CACNA2D3: variants seen among roughly 807,000 people sequenced by gnomAD.
CACNA2D3 encodes the protein voltage-dependent calcium channel subunit alpha-2/delta-3.
In CACNA2D3, 60 loss-of-function variants were observed where a neutral mutation model predicts 160.6. The observed-to-expected ratio is 0.37, with a 90% CI of 0.30 to 0.46. The LOEUF is 0.46. Ranked by LOEUF, CACNA2D3 falls within the 20% of genes least tolerant of loss-of-function variation. The pLI is 1.00. For synonymous variants in CACNA2D3, 558 were observed against 492.9 expected, an observed-to-expected ratio of 1.13 and a Z score of -1.75; for missense variants, 1,205 against 1,365.0, an observed-to-expected ratio of 0.88 and a Z score of 1.85.
intron 18 of CACNA2D3, among the ~76,000 whole-genome samples, chr3:54,872,764 A>C (rs1699566726): frequency 6.6e-6 from 1 of 152,216 alleles, no homozygotes; most frequent in African/African-American, 2.4e-5. Flanking sequence ...CTTAAACCCA[A>C]GTTTAGACAA....
intron 9 of CACNA2D3, among the ~76,000 whole-genome samples, chr3:54,586,116 T>G (rs1702756039): frequency 6.6e-6 from 1 of 151,948 alleles, no homozygotes; most frequent in African/African-American, 2.4e-5. Flanking sequence ...TACAAAAAAT[T>G]AGCTGGGCGT....
At chr3:54,961,289 C>T (rs529065923) in intron 27 of CACNA2D3, among the ~76,000 whole-genome samples, 1 of 152,256 alleles carries the variant, frequency 6.6e-6, no homozygotes, top group South Asian at 2.1e-4. Context: ...ACCCAGTGCC[C>T]TGATTAAGAA....
intron 11 of CACNA2D3, among the ~76,000 whole-genome samples, chr3:54,663,816 G>A (rs1325842209): frequency 6.6e-6 from 1 of 152,138 alleles, no homozygotes; most frequent in Admixed American, 6.5e-5. Flanking sequence ...TGAGAGAGGG[G>A]GTCATCTGCA....
chr3:54,123,999 T>A (rs955422541), intron 2 of CACNA2D3, among the ~76,000 whole-genome samples: 1 of 152,068 alleles, frequency 6.6e-6, no homozygotes, highest in African/African-American at 2.4e-5. Flanking sequence ...AGGCGTGGGG[T>A]TCAGTGTATC....
intron 35 of CACNA2D3, among the ~76,000 whole-genome samples, chr3:55,068,858 T>C (rs1315631479): frequency 6.6e-6 from 1 of 152,202 alleles, no homozygotes; most frequent in African/African-American, 2.4e-5. Context: ...AACATGAGTT[T>C]ACTTTACTGA....
rs143089056 is a variant in CACNA2D3, at chr3:54,802,293, G to C, written c.1381-14560G>C. On this transcript the variant is annotated intron_variant, in intron 13 of 37. Transcript: ENST00000474759. ...AGACTGGCACTCATGGGAAAGCTGGGGTAGGGAGGGGAGAAGATTCCAAGG... is the reference window on the plus strand; with the variant it reads ...AGACTGGCACTCATGGGAAAGCTGGCGTAGGGAGGGGAGAAGATTCCAAGG... Among the ~76,000 whole-genome samples the C allele has an allele frequency of 2.3e-3, 357 of 152,218 alleles. 1 individual carries two copies. Among genetic ancestry groups the C allele is most frequent in the African/African-American group, 8.2e-3 (340 of 41,536 alleles).
rs111854887 is a variant in CACNA2D3 at position 54,645,392 on chromosome 3, A to C, written c.1167+3151A>C. ...AGCCAAACCATATCGTTATTCTATA[A>C]AATTTTAGAGTTGTAGTTTCTCTCA... On this transcript the variant is annotated intron_variant, in intron 11 of 37. Coordinates refer to ENST00000474759, the MANE Select transcript of CACNA2D3 (RefSeq NM_018398.3). 2.9e-3 allele frequency among the ~76,000 whole-genome samples: 447 copies of C among 152,314 alleles called. 3 individuals are homozygous for C. Among genetic ancestry groups the C allele is most frequent in the Non-Finnish European group, 4.1e-3 (278 of 68,024 alleles).
chr3:54,337,694 G>A (rs1025858542), intron 3 of CACNA2D3, among the ~76,000 whole-genome samples: 9 of 151,800 alleles, frequency 5.9e-5, no homozygotes, highest in African/African-American at 2.2e-4. Context: ...CTTTCTTTCC[G>A]CCATTCCCTC....
At chr3:54,825,448 T>C (rs1309758336) in intron 14 of CACNA2D3, among the ~76,000 whole-genome samples, 1 of 152,234 alleles carries the variant, frequency 6.6e-6, no homozygotes, top group Non-Finnish European at 1.5e-5. Context: ...GTCATTTTTA[T>C]TGACACAAAG....
intron 11 of CACNA2D3, among the ~76,000 whole-genome samples, chr3:54,681,447 T>C (rs1341043418): frequency 6.9e-6 from 1 of 144,532 alleles, no homozygotes; most frequent in Non-Finnish European, 1.5e-5. Context: ...TCCCAGCTAC[T>C]TGGGAGGCTG....
At chr3:54,553,032 G>A (rs1211892015) in intron 5 of CACNA2D3, among the ~76,000 whole-genome samples, 2 of 152,130 alleles carry the variant, frequency 1.3e-5, no homozygotes, top group Non-Finnish European at 2.9e-5. Flanking sequence ...TTGCTTCCCA[G>A]CTCCATCCGG....
chr3:54,900,013 G>T (rs1700290084), intron 27 of CACNA2D3, 145 bp downstream of exon 27: 1 of 636,016 alleles, frequency 1.6e-6, no homozygotes, highest in South Asian at 1.9e-5. Context: ...TCTCAGCTTG[G>T]TGTCATCTCC....
chr3:54,205,899 C>T (rs965112901), intron 2 of CACNA2D3, among the ~76,000 whole-genome samples: 1 of 152,144 alleles, frequency 6.6e-6, no homozygotes, highest in Non-Finnish European at 1.5e-5. Flanking sequence ...TTCAGATAAA[C>T]AGTGAATATT....
rs1700261565 is a variant in CACNA2D3 at position 54,448,884 on chromosome 3, C to T, written c.382-54608C>T. On this transcript the variant is annotated intron_variant, in intron 4 of 37. Coordinates refer to ENST00000474759, the MANE Select transcript of CACNA2D3 (RefSeq NM_018398.3). Reference sequence around the variant, plus strand: ...GCAGGAGAGCCATAAATCGTTTGTGCAGAGATAGGTTCATCTTCTGTTATT... The same window carrying T: ...GCAGGAGAGCCATAAATCGTTTGTGTAGAGATAGGTTCATCTTCTGTTATT... 2.0e-5 allele frequency among the ~76,000 whole-genome samples: 3 copies of T among 152,190 alleles called. No individual in the cohort carries two copies. In the South Asian group the frequency reaches 6.2e-4, roughly 31 times the overall value.
chr3:55,061,364 C>G (rs1704501296), intron 35 of CACNA2D3, among the ~76,000 whole-genome samples: 1 of 152,216 alleles, frequency 6.6e-6, no homozygotes, highest in South Asian at 2.1e-4. Context: ...CCAGGGTAAA[C>G]CGGGTGTGAG....
chr3:54,122,643 C>T lies in CACNA2D3; in HGVS notation c.-71C>T. 1.0e-6 allele frequency: 1 copy of T among 977,780 alleles called. No individual in the cohort carries two copies. The highest frequency in any genetic ancestry group is 1.2e-6 in the Non-Finnish European group (1 of 823,948). 60.6% of individuals were successfully genotyped at this position (977,780 alleles called of 1,614,324 possible). On this transcript the variant is annotated 5_prime_UTR_variant, in exon 1 of 38. Coordinates refer to ENST00000474759, the MANE Select transcript of CACNA2D3 (RefSeq NM_018398.3). Reference sequence around the variant, plus strand: ...CAGGCAGCCCCGCGCGCTCGCCCACCGCCCGCTCCGCGCAGCTCCCCGCGG... The same window carrying T: ...CAGGCAGCCCCGCGCGCTCGCCCACTGCCCGCTCCGCGCAGCTCCCCGCGG...
chr3:54,745,980 A>G lies in CACNA2D3; in HGVS notation c.1168-6619A>G, dbSNP rs575935693. On this transcript the variant is annotated intron_variant, in intron 11 of 37. Coordinates refer to ENST00000474759, the MANE Select transcript of CACNA2D3 (RefSeq NM_018398.3). The stretch of plus-strand genomic sequence containing the variant: ...TTACTTTTGTAATTTAATTCAATTT[A>G]TCCCATTTTATTGCTGTTCAGGGTA... Among the ~76,000 whole-genome samples, 33 of 152,310 alleles carry G rather than the reference A, an allele frequency of 2.2e-4. No individual in the cohort carries two copies. In the South Asian group the frequency reaches 6.8e-3, roughly 32 times the overall value.
intron 4 of CACNA2D3, among the ~76,000 whole-genome samples, chr3:54,444,413 T>C (rs1010680194): frequency 2.6e-5 from 4 of 152,236 alleles, no homozygotes. Flanking sequence ...AAACATTCCC[T>C]GTTAGTTTAA....
At chr3:54,358,607 TA>T (rs1267495258) in intron 3 of CACNA2D3, among the ~76,000 whole-genome samples, 1 of 152,162 alleles carries the variant, frequency 6.6e-6, no homozygotes, top group Admixed American at 6.5e-5. Context: ...AGAGACCTCC[TA>T]GGGGGAGCTG....
Sources: allele counts gnomAD v4.1 joint callset (sites outside exome capture counted in the v4.1 genomes callset), GRCh38; gene constraint gnomAD v4.1.1; transcripts MANE v1.5; gene names NCBI Gene and HGNC (gene_info 2026-07-23, HGNC 2026-07-21).